NR3C2: variants seen among roughly 807,000 people sequenced by gnomAD.
NR3C2 encodes mineralocorticoid receptor.
Under a neutral mutation model 86.4 loss-of-function variants are expected in NR3C2, and 15 were observed. The observed-to-expected ratio is 0.17, with a 90% CI of 0.12 to 0.27. NR3C2 has a LOEUF of 0.27. Among genes scored for constraint, NR3C2 ranks in the 10% least tolerant of loss-of-function variants. NR3C2 has a pLI of 1.00. For synonymous variants in NR3C2, 458 were observed against 450.5 expected, an observed-to-expected ratio of 1.02 and a Z score of -0.21; for missense variants, 960 against 1,195.6, an observed-to-expected ratio of 0.80 and a Z score of 2.91.
chr4:148,329,072 G>A (rs1744102047), intron 2 of NR3C2, among the ~76,000 whole-genome samples: 1 of 152,142 alleles, frequency 6.6e-6, no homozygotes, highest in South Asian at 2.1e-4. Flanking sequence ...AATTGCAAAA[G>A]CCTTCAGGGG....
intron 2 of NR3C2, among the ~76,000 whole-genome samples, chr4:148,282,123 G>A (rs939896460): frequency 7.9e-5 from 12 of 152,014 alleles, no homozygotes; most frequent in Non-Finnish European, 1.5e-4. Flanking sequence ...TCTGCTTCCA[G>A]GGCTTAAGCA....
At chr4:148,092,958 C>T (rs62332205) in intron 8 of NR3C2, among the ~76,000 whole-genome samples, 5,195 of 152,294 alleles carry the variant, frequency 0.034, 134 homozygotes, top group Non-Finnish European at 0.054. Flanking sequence ...GCCCACTGGC[C>T]TTTCCTGGTA....
At chr4:148,159,136 G>A (rs1263896184) in intron 4 of NR3C2, among the ~76,000 whole-genome samples, 2 of 151,914 alleles carry the variant, frequency 1.3e-5, no homozygotes, top group African/African-American at 4.8e-5. Flanking sequence ...CTTCAAAGTG[G>A]GTAATAATGT....
At chr4:148,203,994 A>AT (rs143085629) in intron 3 of NR3C2, among the ~76,000 whole-genome samples, 6 of 151,696 alleles carry the variant, frequency 4.0e-5, no homozygotes, top group African/African-American at 4.8e-5. Context: ...GATTAGCATT[A>AT]TTTTTTTTTC....
intron 4 of NR3C2, among the ~76,000 whole-genome samples, chr4:148,177,065 T>G (rs1269952734): frequency 6.6e-6 from 1 of 152,226 alleles, no homozygotes; most frequent in Non-Finnish European, 1.5e-5. Context: ...CCATTTTTAT[T>G]AGCTCTACTA....
intron 3 of NR3C2, among the ~76,000 whole-genome samples, chr4:148,215,356 C>T (rs974660882): frequency 1.7e-4 from 26 of 152,192 alleles, no homozygotes; most frequent in Admixed American, 1.3e-3. Flanking sequence ...GCCCTTGAGG[C>T]GTTTATCCAT....
chr4:148,361,821 C>T (rs1745850956), intron 2 of NR3C2, among the ~76,000 whole-genome samples: 1 of 37,458 alleles, frequency 2.7e-5, no homozygotes, highest in Non-Finnish European at 6.4e-5. Flanking sequence ...GATAACTACC[C>T]TAAAGTTTTG....
In NR3C2 at chr4:148,154,909, A is replaced by T; in HGVS notation, c.2015-8T>A. On this transcript the variant is annotated splice_polypyrimidine_tract_variant and splice_region_variant and intron_variant, in intron 4 of 8. Transcript: ENST00000358102. The stretch of plus-strand genomic sequence containing the variant: ...ACTTCTTTGACTTTCGTGCTATAAG[A>T]AACCATAAATGATAAGGCCAAATTA... 1.9e-6 allele frequency: 3 copies of T among 1,550,374 alleles called. No homozygotes were observed.
chr4:148,424,710 GA>G (rs199511090), intron 2 of NR3C2, among the ~76,000 whole-genome samples: 15,628 of 139,458 alleles, frequency 0.11, 855 homozygotes, highest in Middle Eastern at 0.14. Context: ...AGACAACATA[GA>G]AAAAAAAAAA....
intron 2 of NR3C2, among the ~76,000 whole-genome samples, chr4:148,403,994 C>T (rs1748290272): frequency 6.6e-6 from 1 of 152,032 alleles, no homozygotes; most frequent in African/African-American, 2.4e-5. Context: ...TAGGTATTAT[C>T]CCCATTTCTT....
chr4:148,430,180 AGTCCGTAGTAT>A (rs1433894748), intron 2 of NR3C2, among the ~76,000 whole-genome samples: 1 of 152,184 alleles, frequency 6.6e-6, no homozygotes, highest in African/African-American at 2.4e-5. Flanking sequence ...CAAAAGTCTA[AGTCCGTAGTAT>A]GTCACCGGTA....
intron 2 of NR3C2, among the ~76,000 whole-genome samples, chr4:148,384,411 T>C (rs1345593051): frequency 1.3e-5 from 2 of 152,130 alleles, no homozygotes; most frequent in East Asian, 1.9e-4. Flanking sequence ...TACTGCTTTA[T>C]TTTTTCTAAG....
chr4:148,136,067 A>AAC lies in NR3C2; in HGVS notation c.2511-15780_2511-15779insGT, dbSNP rs1553988818. ...GCGAGACTCCGTCTCAAAAAAAAAA[A>AAC]AAAAAAAAACAAAAAAAAAAAACAC... On this transcript the variant is annotated intron_variant, in intron 6 of 8. Transcript: ENST00000358102. 3.4e-4 allele frequency among the ~76,000 whole-genome samples: 33 copies of AAC among 97,594 alleles called. 2 individuals are homozygous for AAC. The highest frequency in any genetic ancestry group is 1.1e-3 in the African/African-American group (30 of 28,084). The allele number at this position is 97,594 out of a possible 152,430, so 64.0% of individuals were successfully genotyped here.
chr4:148,232,376 G>A (rs181876133), intron 3 of NR3C2, among the ~76,000 whole-genome samples: 1 of 152,194 alleles, frequency 6.6e-6, no homozygotes, highest in African/African-American at 2.4e-5. Flanking sequence ...CTGCATTAGA[G>A]TTCTTTGGTG....
At chr4:148,148,808 GTCTC>G (rs1733982187) in intron 6 of NR3C2, among the ~76,000 whole-genome samples, 1 of 152,064 alleles carries the variant, frequency 6.6e-6, no homozygotes, top group Non-Finnish European at 1.5e-5. Context: ...CAGTATTTCT[GTCTC>G]TCTCATTAGA....
intron 3 of NR3C2, among the ~76,000 whole-genome samples, chr4:148,235,136 G>A (rs1560992781): frequency 6.6e-6 from 1 of 151,886 alleles, no homozygotes; most frequent in Non-Finnish European, 1.5e-5. Context: ...CTTGGTTCTT[G>A]ATTTGTAAAA....
At chr4:148,137,901 A>G (rs1215069987) in intron 6 of NR3C2, among the ~76,000 whole-genome samples, 1 of 152,196 alleles carries the variant, frequency 6.6e-6, no homozygotes, top group Non-Finnish European at 1.5e-5. Context: ...ACTTTTTTTG[A>G]AAAAAGTTCT....
chr4:148,350,277 A>G (rs181652815), intron 2 of NR3C2, among the ~76,000 whole-genome samples: 3 of 152,324 alleles, frequency 2.0e-5, no homozygotes, highest in African/African-American at 7.2e-5. Context: ...TTTTGAAGTC[A>G]TCTGTGTACT....
rs72658605 is a variant in NR3C2 at position 148,390,890 on chromosome 4, C to T, written c.1757+44214G>A. Reference sequence around the variant, plus strand: ...CGGGAATTTATTTTATCTGGTACACCACAGTAATTTGCTATAAAGCTTTAT... The same window carrying T: ...CGGGAATTTATTTTATCTGGTACACTACAGTAATTTGCTATAAAGCTTTAT... On this transcript the variant is annotated intron_variant, in intron 2 of 8. Coordinates refer to ENST00000358102, the MANE Select transcript of NR3C2 (RefSeq NM_000901.5). Among the ~76,000 whole-genome samples the T allele has an allele frequency of 1.1e-3, 160 of 152,120 alleles. 1 individual carries two copies. Among genetic ancestry groups the T allele is most frequent in the Non-Finnish European group, 1.8e-3 (120 of 67,998 alleles).
Sources: allele counts gnomAD v4.1 joint callset (sites outside exome capture counted in the v4.1 genomes callset), GRCh38; gene constraint gnomAD v4.1.1; transcripts MANE v1.5; gene names NCBI Gene and HGNC (gene_info 2026-07-23, HGNC 2026-07-21).